VDAC2: variants seen among roughly 807,000 people sequenced by gnomAD.
VDAC2 encodes the protein voltage dependent anion channel 2.
Under a neutral mutation model 36.6 loss-of-function variants are expected in VDAC2, and 6 were observed. The ratio of observed to expected loss-of-function variants is 0.16; its 90% CI spans 0.09 to 0.32. The LOEUF is 0.32. Ranked by LOEUF, VDAC2 falls within the 10% of genes least tolerant of loss-of-function variation. The probability of loss-of-function intolerance (pLI) is 1.00; values close to 1 mark genes in which losing one functional copy is unlikely to be tolerated. For missense variants in VDAC2, 247 were observed against 346.0 expected (o/e 0.71, Z 2.27); for synonymous variants, 109 against 123.8 (o/e 0.88, Z 0.79).
In VDAC2 at chr10:75,219,150, C is replaced by G. The variant is rs368561835; in HGVS notation, c.238C>G (p.Leu80Val). ...ETKYKWCEYG[L>V]TFTEKWNTDN... ...CAAATACAAGTGGTGTGAGTATGGT[C>G]TGACTTTCACAGAAAAGTGGAACAC... The change falls in exon 5 of 10, where the codon CTG becomes GTG. Residue 80 changes from leucine (L) to valine (V), a missense_variant. Leu to Val is a conservative substitution (Grantham distance 32). Around this residue, in one of 3 missense-constraint regions of VDAC2, gnomAD observed 12 missense variants for 35.1 expected, o/e 0.34. Coordinates refer to ENST00000332211, the MANE Select transcript of VDAC2 (RefSeq NM_001391963.1). 1.4e-5 allele frequency: 22 copies of G among 1,613,004 alleles called. No individual in the cohort carries two copies. The African/African-American group carries it at 2.8e-4, about 21-fold the overall frequency.
intron 6 of VDAC2, among the ~76,000 whole-genome samples, chr10:75,220,186 A>G (rs933951808): frequency 6.6e-6 from 1 of 150,482 alleles, no homozygotes; most frequent in Non-Finnish European, 1.5e-5. Context: ...GCTCACTGCA[A>G]CCTCTGCCTC....
chr10:75,223,745 G>A (rs896167377), intron 8 of VDAC2, among the ~76,000 whole-genome samples: 2 of 152,206 alleles, frequency 1.3e-5, no homozygotes, highest in African/African-American at 4.8e-5. Flanking sequence ...CTAGTCAGTG[G>A]AGAGACCAAG....
At chr10:75,213,783 C>T (rs1841508721) in intron 3 of VDAC2, among the ~76,000 whole-genome samples, 1 of 152,124 alleles carries the variant, frequency 6.6e-6, no homozygotes, top group South Asian at 2.1e-4. Flanking sequence ...TGAAAGCATT[C>T]TTTTGTGTAC....
intron 8 of VDAC2, among the ~76,000 whole-genome samples, chr10:75,225,058 G>GT (rs2062774953): frequency 1.3e-5 from 2 of 152,136 alleles, no homozygotes; most frequent in Admixed American, 1.3e-4. Flanking sequence ...ACTCCCTTGT[G>GT]TAAATAAGTC....
intron 8 of VDAC2, among the ~76,000 whole-genome samples, chr10:75,223,870 G>A (rs1227017291): frequency 6.6e-6 from 1 of 152,180 alleles, no homozygotes; most frequent in East Asian, 1.9e-4. Flanking sequence ...CAAGGACAGA[G>A]GTCAGTGAGC....
chr10:75,222,489 G>C, intron 8 of VDAC2, 87 bp downstream of exon 8: 1 of 1,517,954 alleles, frequency 6.6e-7, no homozygotes, highest in Non-Finnish European at 9.0e-7. Flanking sequence ...AATTTGAACT[G>C]ATTTCACACA....
chr10:75,212,128 G>A lies in VDAC2; in HGVS notation c.32-102G>A, dbSNP rs567251194. ...CGCATAAAAAACATTCCAACAAATG[G>A]GATTGCTTGAATTTTAATATCAGCA... On this transcript the variant is annotated intron_variant, in intron 2 of 9. Coordinates refer to ENST00000332211, the MANE Select transcript of VDAC2 (RefSeq NM_001391963.1). 6.8e-6 allele frequency: 7 copies of A among 1,026,628 alleles called. No homozygotes were observed. The African/African-American group carries it at 9.6e-5, about 14-fold the overall frequency. The allele number at this position is 1,026,628 out of a possible 1,614,324, so 63.6% of individuals were successfully genotyped here.
intron 8 of VDAC2, among the ~76,000 whole-genome samples, chr10:75,225,993 G>A (rs867269468): frequency 2.6e-5 from 4 of 152,054 alleles, no homozygotes; most frequent in Admixed American, 1.3e-4. Flanking sequence ...AGGTTTCGCC[G>A]TGTTGGCCAG....
intron 4 of VDAC2, chr10:75,218,037 G>T: frequency 1.2e-6 from 1 of 829,684 alleles, no homozygotes; most frequent in Non-Finnish European, 1.7e-6. Context: ...GCAGTCAGCT[G>T]TGATCACATC....
chr10:75,226,681 T>C (rs1275181155), intron 8 of VDAC2, among the ~76,000 whole-genome samples: 1 of 152,104 alleles, frequency 6.6e-6, no homozygotes, highest in Non-Finnish European at 1.5e-5. Flanking sequence ...CAGGTGGGTC[T>C]CCAACCCCTG....
At chr10:75,215,776 C>T (rs1316563378) in intron 4 of VDAC2, among the ~76,000 whole-genome samples, 1 of 151,176 alleles carries the variant, frequency 6.6e-6, no homozygotes, top group African/African-American at 2.4e-5. Context: ...GGCTGGAGTG[C>T]AGTGGCATGA....
At position 75,227,980 on chromosome 10, in the gene VDAC2, C is replaced by T. The variant is rs147459063; in HGVS notation, c.736-1664C>T. Among the ~76,000 whole-genome samples, 19 of 151,520 alleles carry T rather than the reference C, an allele frequency of 1.3e-4. No individual in the cohort carries two copies. In the East Asian group the frequency reaches 2.7e-3, roughly 22 times the overall value. On this transcript the variant is annotated intron_variant, in intron 8 of 9. Transcript: ENST00000332211. ...CAAGATCTCCACTCACTGCAACCTC[C>T]GCCTCCCGGGTTCACGCCTTTCTCC... is the stretch of plus-strand genomic sequence containing the variant.
Position 75,220,773 on chromosome 10 carries a change from C to A in VDAC2, c.387C>A (p.Tyr129Ter), listed in dbSNP as rs1841789155. 6.2e-7 allele frequency: 1 copy of A among 1,610,744 alleles called. No homozygotes were observed. The highest frequency in any genetic ancestry group is 1.3e-5 in the African/African-American group (1 of 74,794). The change falls in exon 7 of 10, where the codon TAC becomes TAA. Residue 129 changes from tyrosine (Y) to a stop codon, truncating the protein, a stop_gained. Coordinates refer to ENST00000332211, the MANE Select transcript of VDAC2 (RefSeq NM_001391963.1). LOFTEE classifies it high-confidence loss of function. ...GKKSGKIKSS[Y>*]KRECINLGCD... ...AAAGTGGTAAAATCAAGTCTTCTTACAAGAGGGAGTGTATAAACCTTGGTT... is the reference window on the plus strand; with the variant it reads ...AAAGTGGTAAAATCAAGTCTTCTTAAAAGAGGGAGTGTATAAACCTTGGTT...
intron 2 of VDAC2, 50 bp downstream of exon 2, chr10:75,211,239 C>G (rs767697335): frequency 5.0e-6 from 8 of 1,601,248 alleles, no homozygotes; most frequent in Non-Finnish European, 6.0e-6. Flanking sequence ...GAGTCGAAGC[C>G]TGTCGACCAG....
chr10:75,212,223 C>T lies in VDAC2; in HGVS notation c.32-7C>T, dbSNP rs201064917. On this transcript the variant is annotated splice_region_variant and splice_polypyrimidine_tract_variant and intron_variant, in intron 2 of 9. Coordinates refer to ENST00000332211, the MANE Select transcript of VDAC2 (RefSeq NM_001391963.1). ...ACATTAACACTGGAATGTTTTTTTT[C>T]TACCAGCAATGTGTATTCCTCCATC... 4.0e-4 allele frequency: 641 copies of T among 1,611,608 alleles called. 1 individual carries two copies. The highest frequency in any genetic ancestry group is 6.5e-4 in the East Asian group (29 of 44,850).
Position 75,211,124 on chromosome 10 carries a change from C to A in VDAC2, c.-25-10C>A, listed in dbSNP as rs781772992. The A allele has an allele frequency of 1.9e-6, 3 of 1,604,510 alleles. No homozygotes were observed. In the East Asian group the frequency reaches 6.8e-5, roughly 36 times the overall value. ...ACCCCAGCTTACCGCACTTCTTGTC[C>A]CTCCCGCAGATTCCCCTCTTCCCGC... On this transcript the variant is annotated splice_polypyrimidine_tract_variant and intron_variant, in intron 1 of 9. Coordinates refer to ENST00000332211, the MANE Select transcript of VDAC2 (RefSeq NM_001391963.1).
intron 4 of VDAC2, among the ~76,000 whole-genome samples, chr10:75,216,204 T>C (rs1189963626): frequency 6.6e-6 from 1 of 152,236 alleles, no homozygotes; most frequent in Non-Finnish European, 1.5e-5. Flanking sequence ...AGGCCCCTAG[T>C]GTATTTGTTG....
At chr10:75,211,568 G>A (rs1400206285) in intron 2 of VDAC2, 4 of 1,550,608 alleles carry the variant, frequency 2.6e-6, no homozygotes, top group Admixed American at 3.9e-5. Flanking sequence ...GGGCGTGGAC[G>A]TGCTTTGTGG....
At chr10:75,225,017 C>A (rs933523710) in intron 8 of VDAC2, among the ~76,000 whole-genome samples, 2 of 152,170 alleles carry the variant, frequency 1.3e-5, no homozygotes, top group African/African-American at 4.8e-5. Context: ...CATGCTCATA[C>A]TGCCATATGG....
Sources: gnomAD v4.1 joint callset for allele counts (sites outside exome capture counted in the v4.1 genomes callset) on GRCh38, gnomAD v4.1.1 for gene constraint, gnomAD v4.1.1 regional missense constraint, MANE v1.5 for transcripts, NCBI Gene and HGNC (gene_info 2026-07-23, HGNC 2026-07-21) for gene names.